DPYSL2: variants seen among roughly 807,000 people sequenced by gnomAD.
DPYSL2 encodes the protein dihydropyrimidinase-related protein 2.
A neutral mutation model predicts 69.9 loss-of-function variants in DPYSL2; 13 were observed. That is an observed-to-expected ratio of 0.19 (90% CI 0.12 to 0.30). The LOEUF is 0.30. Ranked by LOEUF, DPYSL2 falls within the 10% of genes least tolerant of loss-of-function variation. The pLI is 1.00. For synonymous variants in DPYSL2, 326 were observed against 359.1 expected, an observed-to-expected ratio of 0.91 and a Z score of 1.04; for missense variants, 587 against 918.9, an observed-to-expected ratio of 0.64 and a Z score of 4.67.
rs1167806558 is a variant in DPYSL2, at chr8:26,560,935, G to C, written c.355-21034G>C. ...AAGTCTAAAGAAGAATTTAAATTGAGCTAGGGGAAGGGAAGTTGTAAGAGA... is the reference window on the plus strand; with the variant it reads ...AAGTCTAAAGAAGAATTTAAATTGACCTAGGGGAAGGGAAGTTGTAAGAGA... On this transcript the variant is annotated intron_variant, in intron 1 of 13. Coordinates refer to ENST00000521913, the MANE Select transcript of DPYSL2 (RefSeq NM_001197293.3). This position sits in a 1 kb window ranked among gnomAD's most constrained non-coding sequence, Gnocchi z 4.4. Among the ~76,000 whole-genome samples, 1 of 152,148 alleles carries C rather than the reference G, an allele frequency of 6.6e-6. No individual in the cohort carries two copies. Among genetic ancestry groups the C allele is most frequent in the East Asian group, 1.9e-4 (1 of 5,190 alleles).
intron 1 of DPYSL2, among the ~76,000 whole-genome samples, chr8:26,555,437 A>C (rs1000174077): frequency 6.6e-6 from 1 of 152,296 alleles, no homozygotes; most frequent in East Asian, 1.9e-4. Flanking sequence ...ACAAAAGCCA[A>C]TTGGTTTTCT....
At chr8:26,600,589 C>T (rs1280783464) in intron 3 of DPYSL2, among the ~76,000 whole-genome samples, 1 of 152,098 alleles carries the variant, frequency 6.6e-6, no homozygotes, top group African/African-American at 2.4e-5. Context: ...TTATCTTGAC[C>T]TGTGATGTGA....
rs2129876796 is a variant in DPYSL2 at position 26,617,669 on chromosome 8, G to A, written c.629-6474G>A. ...TAGGGAACCGCTTGAGGCAGGAGGG[G>A]AAGGAAGCACTGATTCTCGCTGCAG... On this transcript the variant is annotated intron_variant, in intron 3 of 13. Coordinates refer to ENST00000521913, the MANE Select transcript of DPYSL2 (RefSeq NM_001197293.3). The surrounding 1 kb of genome is among the most constrained non-coding windows in gnomAD (Gnocchi z 4.7). Among the ~76,000 whole-genome samples the A allele has an allele frequency of 6.6e-6, 1 of 152,330 alleles. No homozygotes were observed. Among genetic ancestry groups the A allele is most frequent in the Non-Finnish European group, 1.5e-5 (1 of 68,034 alleles).
At chr8:26,600,531 G>T (rs1801967092) in intron 3 of DPYSL2, among the ~76,000 whole-genome samples, 1 of 152,074 alleles carries the variant, frequency 6.6e-6, no homozygotes, top group African/African-American at 2.4e-5. Context: ...TTTAATTTTA[G>T]GCTTTATTTT....
chr8:26,652,245 CCTT>C lies in DPYSL2; in HGVS notation c.1597-6_1597-4del, dbSNP rs761021767. 1 of 1,607,934 alleles carries C rather than the reference CCTT, an allele frequency of 6.2e-7. No individual in the cohort carries two copies. The highest frequency in any genetic ancestry group is 8.5e-7 in the Non-Finnish European group (1 of 1,176,600). ...GTGGCCTGTTCTAGAGTTTACTTTG[CCTT>C]CTTCTCAGTCTCTCGAGTACAACAT... On this transcript the variant is annotated splice_polypyrimidine_tract_variant and intron_variant, in intron 11 of 13. Coordinates refer to ENST00000521913, the MANE Select transcript of DPYSL2 (RefSeq NM_001197293.3). The surrounding 1 kb of genome is among the most constrained non-coding windows in gnomAD (Gnocchi z 6.3).
rs549918218 is a variant in DPYSL2 at position 26,654,177 on chromosome 8, G to A, written c.1942+780G>A. Reference sequence around the variant, plus strand: ...TTGCTCCCCCGTGAGGTTGTTGTGAGGGTTAAATGGGTTAATATATATGTA... The same window carrying A: ...TTGCTCCCCCGTGAGGTTGTTGTGAAGGTTAAATGGGTTAATATATATGTA... On this transcript the variant is annotated intron_variant, in intron 13 of 13. Transcript: ENST00000521913. The surrounding 1 kb of genome is among the most constrained non-coding windows in gnomAD (Gnocchi z 5.0). 7.9e-5 allele frequency among the ~76,000 whole-genome samples: 12 copies of A among 152,268 alleles called. No individual in the cohort carries two copies. In the South Asian group the frequency reaches 2.5e-3, roughly 32 times the overall value.
chr8:26,647,013 G>C lies in DPYSL2; in HGVS notation c.1426-617G>C, dbSNP rs1284553338. Among the ~76,000 whole-genome samples, 1 of 151,736 alleles carries C rather than the reference G, an allele frequency of 6.6e-6. No homozygotes were observed. The highest frequency in any genetic ancestry group is 1.5e-5 in the Non-Finnish European group (1 of 67,966). Reference sequence around the variant, plus strand: ...AGATTAAAAAAAAAAAGGAAGCCTAGATCTGTGGCTGTATTTTGTTGAAAA... The same window carrying C: ...AGATTAAAAAAAAAAAGGAAGCCTACATCTGTGGCTGTATTTTGTTGAAAA... On this transcript the variant is annotated intron_variant, in intron 10 of 13. Coordinates refer to ENST00000521913, the MANE Select transcript of DPYSL2 (RefSeq NM_001197293.3). The surrounding 1 kb of genome is among the most constrained non-coding windows in gnomAD (Gnocchi z 5.1).
intron 1 of DPYSL2, among the ~76,000 whole-genome samples, chr8:26,556,994 A>G (rs1287510109): frequency 6.6e-6 from 1 of 152,178 alleles, no homozygotes; most frequent in African/African-American, 2.4e-5. Context: ...TTTTCAACAA[A>G]TGATGCTGGA....
intron 1 of DPYSL2, among the ~76,000 whole-genome samples, chr8:26,535,896 G>A (rs1267461483): frequency 8.1e-6 from 1 of 124,070 alleles, no homozygotes; most frequent in South Asian, 3.1e-4. Context: ...GCTCTCTATG[G>A]GTTGTGTGTG....
At chr8:26,589,565 C>T (rs530279632) in intron 3 of DPYSL2, among the ~76,000 whole-genome samples, 9 of 152,204 alleles carry the variant, frequency 5.9e-5, no homozygotes, top group South Asian at 2.1e-4. Context: ...AGGTATCCGA[C>T]GTGGACTGTG....
rs572660291 is a variant in DPYSL2 at position 26,624,371 on chromosome 8, C to T, written c.793+64C>T. 5.1e-6 allele frequency: 8 copies of T among 1,565,050 alleles called. No individual in the cohort carries two copies. The highest frequency in any genetic ancestry group is 7.0e-6 in the Non-Finnish European group (8 of 1,149,126). The stretch of plus-strand genomic sequence containing the variant: ...CGCTTCAGTCCATCAACTGGCACAG[C>T]CCTGGGAAGAAAGTGATAATGCTTC... On this transcript the variant is annotated intron_variant, in intron 4 of 13. Transcript: ENST00000521913. This position sits in a 1 kb window ranked among gnomAD's most constrained non-coding sequence, Gnocchi z 4.7.
In DPYSL2 at chr8:26,643,845, C is replaced by T; in HGVS notation, c.1284-105C>T. 1 of 1,443,048 alleles carries T rather than the reference C, an allele frequency of 6.9e-7. No homozygotes were observed. Among genetic ancestry groups the T allele is most frequent in the Non-Finnish European group, 9.3e-7 (1 of 1,072,758 alleles). The allele number at this position is 1,443,048 out of a possible 1,614,324, so 89.4% of individuals were successfully genotyped here. A position where few individuals can be genotyped will look rare whatever the true frequency, so the allele number is the denominator to read the frequency against. ...GGGAGAGGAGGCGTCAAAAGGACTC[C>T]ACTTGGGTTGGTGTGATGCCATTCA... On this transcript the variant is annotated intron_variant, in intron 9 of 13. Transcript: ENST00000521913. The surrounding 1 kb of genome is among the most constrained non-coding windows in gnomAD (Gnocchi z 6.5).
At position 26,609,475 on chromosome 8, in the gene DPYSL2, T is replaced by G. The variant is rs138923769; in HGVS notation, c.629-14668T>G. On this transcript the variant is annotated intron_variant, in intron 3 of 13. Transcript: ENST00000521913. The surrounding 1 kb of genome is among the most constrained non-coding windows in gnomAD (Gnocchi z 6.5). ...GGAAAACGAAGTCAAACCCAGTCTT[T>G]GCACGTGGAAGCTTGTGGCGTGACT... Among the ~76,000 whole-genome samples the G allele has an allele frequency of 1.3e-5, 2 of 152,326 alleles. No homozygotes were observed. The highest frequency in any genetic ancestry group is 2.9e-5 in the Non-Finnish European group (2 of 68,028).
At chr8:26,523,795 G>A (rs145537515) in intron 1 of DPYSL2, among the ~76,000 whole-genome samples, 57 of 152,060 alleles carry the variant, frequency 3.7e-4, no homozygotes, top group African/African-American at 1.3e-3. Context: ...CAAAGCACTG[G>A]GATTACAGGC....
intron 8 of DPYSL2, among the ~76,000 whole-genome samples, chr8:26,635,536 C>G (rs1802893372): frequency 6.6e-6 from 1 of 152,186 alleles, no homozygotes; most frequent in Non-Finnish European, 1.5e-5. Flanking sequence ...TGTTGTCACC[C>G]ACCGCTGACA....
At chr8:26,573,596 AGG>A (rs1801274997) in intron 1 of DPYSL2, among the ~76,000 whole-genome samples, 1 of 146,614 alleles carries the variant, frequency 6.8e-6, no homozygotes. Context: ...TGAACCCAGA[AGG>A]CGGAGCTTGC....
At chr8:26,561,479 T>C (rs1365426324) in intron 1 of DPYSL2, among the ~76,000 whole-genome samples, 3 of 152,126 alleles carry the variant, frequency 2.0e-5, no homozygotes, top group African/African-American at 7.2e-5. Flanking sequence ...CTTAAAGGCA[T>C]CTCAAATTAC....
intron 1 of DPYSL2, among the ~76,000 whole-genome samples, chr8:26,520,100 C>G (rs1808360723): frequency 6.6e-6 from 1 of 152,156 alleles, no homozygotes; most frequent in African/African-American, 2.4e-5. Flanking sequence ...GAATAAGTCT[C>G]ACAAGATTTA....
At chr8:26,578,907 CG>C (rs1801422226) in intron 1 of DPYSL2, among the ~76,000 whole-genome samples, 2 of 151,320 alleles carry the variant, frequency 1.3e-5, no homozygotes, top group Non-Finnish European at 1.5e-5. Flanking sequence ...AGGAGGAAGG[CG>C]GGGGGCAAGG....
Sources: allele counts gnomAD v4.1 joint callset (sites outside exome capture counted in the v4.1 genomes callset), GRCh38; gene constraint gnomAD v4.1.1; non-coding constraint Gnocchi (gnomAD v3.1); transcripts MANE v1.5; gene names NCBI Gene and HGNC (gene_info 2026-07-23, HGNC 2026-07-21).